RSU1: variants seen among roughly 807,000 people sequenced by gnomAD.
RSU1 encodes the protein rsu-1.
A neutral mutation model predicts 31.1 loss-of-function variants in RSU1; 26 were observed. The ratio of observed to expected loss-of-function variants is 0.84; its 90% CI spans 0.61 to 1.16. The LOEUF (loss-of-function observed/expected upper bound fraction) is 1.16, where lower values mean the gene tolerates loss of function less well. RSU1 is among the 50% of genes most tolerant of loss of function. The pLI, the probability that RSU1 is intolerant of heterozygous loss-of-function variation, is 0.00. For synonymous variants in RSU1, 164 were observed against 136.3 expected (o/e 1.20, Z -1.41); for missense variants, 320 against 339.1 (o/e 0.94, Z 0.44).
In RSU1 at chr10:16,695,164, GGGGAA is replaced by G; in HGVS notation, c.599-14_599-10del. 6.8e-7 allele frequency: 1 copy of G among 1,459,878 alleles called. No individual in the cohort carries two copies. The highest frequency in any genetic ancestry group is 9.2e-7 in the Non-Finnish European group (1 of 1,086,480). 90.4% of individuals were successfully genotyped at this position (1,459,878 alleles called of 1,614,324 possible). On this transcript the variant is annotated splice_polypyrimidine_tract_variant and intron_variant, in intron 7 of 8. Transcript: ENST00000345264. ...AGTTAAATCCAAGTTTCCTGGGGGG[GGGGAA>G]AAAAAAAGTGAAGGTCACTTCATCC...
intron 3 of RSU1, among the ~76,000 whole-genome samples, chr10:16,777,860 T>C (rs1837565516): frequency 6.6e-6 from 1 of 152,212 alleles, no homozygotes; most frequent in African/African-American, 2.4e-5. Context: ...ACCTTCGGCA[T>C]TATTGCTGCC....
At chr10:16,806,784 A>T (rs546954401) in intron 2 of RSU1, among the ~76,000 whole-genome samples, 30 of 152,016 alleles carry the variant, frequency 2.0e-4, no homozygotes, top group Admixed American at 1.7e-3. Context: ...AAAGAGTCTC[A>T]CTCTTGTCGC....
At chr10:16,722,323 T>C (rs1836282110) in intron 7 of RSU1, among the ~76,000 whole-genome samples, 1 of 152,194 alleles carries the variant, frequency 6.6e-6, no homozygotes, top group Non-Finnish European at 1.5e-5. Flanking sequence ...GTGGGAATAT[T>C]GTTTAAGAAA....
chr10:16,752,070 G>A (rs567270344), intron 7 of RSU1, among the ~76,000 whole-genome samples: 1 of 152,186 alleles, frequency 6.6e-6, no homozygotes, highest in African/African-American at 2.4e-5. Flanking sequence ...ACCCGCAGAG[G>A]TATCAACATG....
chr10:16,722,845 T>C (rs1335174988), intron 7 of RSU1, among the ~76,000 whole-genome samples: 1 of 106,200 alleles, frequency 9.4e-6, no homozygotes, highest in African/African-American at 3.0e-5. Flanking sequence ...TATATGTATA[T>C]ATACACACAT....
chr10:16,713,480 G>A (rs1004707566), intron 7 of RSU1, among the ~76,000 whole-genome samples: 1 of 152,048 alleles, frequency 6.6e-6, no homozygotes, highest in Non-Finnish European at 1.5e-5. Context: ...GTCTGTTGTT[G>A]AAGCTTTCAC....
chr10:16,748,846 G>A (rs1345462784), intron 7 of RSU1, among the ~76,000 whole-genome samples: 5 of 144,686 alleles, frequency 3.5e-5, no homozygotes, highest in Admixed American at 2.0e-4. Context: ...TCCCCAGCCG[G>A]GCTCTCCCTT....
In RSU1 at chr10:16,593,122, G is replaced by T; in HGVS notation, c.*272C>A. ...TGATATCTATTCAAGAAAAGCCAGA[G>T]CCCACTATGGAATTCGCAGTTGAAT... On this transcript the variant is annotated 3_prime_UTR_variant, in exon 9 of 9. Coordinates refer to ENST00000345264, the MANE Select transcript of RSU1 (RefSeq NM_012425.4). The T allele has an allele frequency of 2.8e-6, 1 of 359,916 alleles. No individual in the cohort carries two copies. The highest frequency in any genetic ancestry group is 4.8e-6 in the Non-Finnish European group (1 of 207,858). The allele number at this position is 359,916 out of a possible 1,614,324, so 22.3% of individuals were successfully genotyped here.
At chr10:16,714,439 G>A (rs1412976976) in intron 7 of RSU1, among the ~76,000 whole-genome samples, 1 of 152,238 alleles carries the variant, frequency 6.6e-6, no homozygotes, top group Admixed American at 6.5e-5. Context: ...TGCTCTTTGG[G>A]TGTCTGTATG....
intron 7 of RSU1, among the ~76,000 whole-genome samples, chr10:16,726,139 T>G (rs1490255850): frequency 6.6e-6 from 1 of 152,118 alleles, no homozygotes; most frequent in Non-Finnish European, 1.5e-5. Flanking sequence ...TAGTAAAAGT[T>G]CAGAAATTAC....
intron 8 of RSU1, among the ~76,000 whole-genome samples, chr10:16,664,609 G>A (rs1048557978): frequency 6.9e-6 from 1 of 145,846 alleles, no homozygotes; most frequent in Non-Finnish European, 1.5e-5. Context: ...GGGTGATCCT[G>A]CAGTGGTCAC....
At chr10:16,810,921 C>A (rs1838395294) in intron 2 of RSU1, among the ~76,000 whole-genome samples, 1 of 152,006 alleles carries the variant, frequency 6.6e-6, no homozygotes, top group Non-Finnish European at 1.5e-5. Flanking sequence ...ACTTGGGAGG[C>A]TGAGGTGGGA....
chr10:16,775,260 T>C (rs1013296742), intron 3 of RSU1, among the ~76,000 whole-genome samples: 3 of 152,242 alleles, frequency 2.0e-5, no homozygotes, highest in Admixed American at 6.5e-5. Context: ...TCAATAGCAA[T>C]AGAAACCTTT....
rs1023374165 is a variant in RSU1 at position 16,714,078 on chromosome 10, G to A, written c.599-18923C>T. 3.3e-5 allele frequency among the ~76,000 whole-genome samples: 5 copies of A among 152,310 alleles called. No individual in the cohort carries two copies. The South Asian group carries it at 1.0e-3, about 32-fold the overall frequency. On this transcript the variant is annotated intron_variant, in intron 7 of 8. Transcript: ENST00000345264. ...GTTGGGCTGAATATGTATGGGTGTG[G>A]AGGGCGAAAAGGCTCTCCAACAGGC...
chr10:16,683,663 A>T (rs1357264708), intron 8 of RSU1, among the ~76,000 whole-genome samples: 2 of 152,240 alleles, frequency 1.3e-5, no homozygotes, highest in African/African-American at 4.8e-5. Flanking sequence ...GGAGAGATTT[A>T]TTCTGAGCTA....
At chr10:16,751,374 CAA>C (rs1219831567) in intron 7 of RSU1, among the ~76,000 whole-genome samples, 1 of 152,116 alleles carries the variant, frequency 6.6e-6, no homozygotes, top group African/African-American at 2.4e-5. Context: ...AGGGAAATGG[CAA>C]GAGAGGAGGC....
At chr10:16,634,164 G>T (rs1407483830) in intron 8 of RSU1, among the ~76,000 whole-genome samples, 2 of 152,194 alleles carry the variant, frequency 1.3e-5, no homozygotes, top group Non-Finnish European at 1.5e-5. Flanking sequence ...TTATAGCAAG[G>T]CTTATTTAGA....
intron 7 of RSU1, among the ~76,000 whole-genome samples, chr10:16,702,288 A>T (rs1835807815): frequency 6.6e-6 from 1 of 152,216 alleles, no homozygotes; most frequent in Non-Finnish European, 1.5e-5. Context: ...GAGCCCAGAC[A>T]CACAGTCTCC....
At chr10:16,731,073 C>T (rs1836502723) in intron 7 of RSU1, among the ~76,000 whole-genome samples, 1 of 152,148 alleles carries the variant, frequency 6.6e-6, no homozygotes, top group East Asian at 1.9e-4. Flanking sequence ...CTTAGACTCC[C>T]AAAGTGCTGG....
Sources: allele counts gnomAD v4.1 joint callset (sites outside exome capture counted in the v4.1 genomes callset), GRCh38; gene constraint gnomAD v4.1.1; transcripts MANE v1.5; gene names NCBI Gene and HGNC (gene_info 2026-07-23, HGNC 2026-07-21).